Variants in KCNQ3 observed in about 807,000 individuals in gnomAD.
KCNQ3 encodes potassium voltage-gated channel subfamily KQT member 3.
A neutral mutation model predicts 92.5 loss-of-function variants in KCNQ3; 30 were observed. The ratio of observed to expected loss-of-function variants is 0.32; its 90% confidence interval spans 0.24 to 0.44. The LOEUF (loss-of-function observed/expected upper bound fraction) is 0.44. KCNQ3 is among the 20% of genes least tolerant of loss of function. The probability of loss-of-function intolerance (pLI) is 1.00; values close to 1 mark genes in which losing one functional copy is unlikely to be tolerated. For synonymous variants in KCNQ3, 450 were observed against 468.8 expected, an observed-to-expected ratio of 0.96 and a Z score of 0.52; for missense variants, 913 against 1,140.3, an observed-to-expected ratio of 0.80 and a Z score of 2.87.
At chr8:132,283,092 C>CGTGTGTGTGTGTGTGT (rs1195934839) in intron 1 of KCNQ3, among the ~76,000 whole-genome samples, 64 of 130,700 alleles carry the variant, frequency 4.9e-4, no homozygotes, top group African/African-American at 1.6e-3. Flanking sequence ...CTCTCTCTCT[C>CGTGTGTGTGTGTGTGT]GTGTGTGTGT....
At chr8:132,278,902 C>A (rs1816423397) in intron 1 of KCNQ3, among the ~76,000 whole-genome samples, 1 of 152,120 alleles carries the variant, frequency 6.6e-6, no homozygotes, top group Non-Finnish European at 1.5e-5. Flanking sequence ...ACATTAGTAT[C>A]AGTAGAGGGG....
intron 1 of KCNQ3, among the ~76,000 whole-genome samples, chr8:132,453,780 G>A (rs556258674): frequency 3.9e-5 from 6 of 152,166 alleles, no homozygotes; most frequent in Non-Finnish European, 7.3e-5. Context: ...GGCAAGGATG[G>A]TTGTGGGGGA....
At chr8:132,135,990 A>G (rs1032099500) in intron 12 of KCNQ3, among the ~76,000 whole-genome samples, 4 of 151,802 alleles carry the variant, frequency 2.6e-5, no homozygotes, top group African/African-American at 9.7e-5. Flanking sequence ...ATGGTGGCAC[A>G]CGCCTCTAGT....
At chr8:132,186,968 G>C (rs967283704) in intron 1 of KCNQ3, among the ~76,000 whole-genome samples, 12 of 125,796 alleles carry the variant, frequency 9.5e-5, no homozygotes, top group East Asian at 4.3e-4. Context: ...GAGAGAGAGA[G>C]AGAGAGAGAG....
chr8:132,140,033 C>G (rs776245506), intron 11 of KCNQ3, 43 bp downstream of exon 11: 5 of 1,318,846 alleles, frequency 3.8e-6, no homozygotes, highest in African/African-American at 1.5e-5. Context: ...TGAGCTGGAG[C>G]GGGGGAGGCA....
intron 9 of KCNQ3, among the ~76,000 whole-genome samples, chr8:132,154,193 G>GTTTTTTTTTTTTTTTTTTTTTTTTTT (rs869112851): frequency 1.5e-4 from 4 of 27,454 alleles, no homozygotes; most frequent in Non-Finnish European, 2.0e-4. Context: ...AAGGGTAAAA[G>GTTTTTTTTTTTTTTTTTTTTTTTTTT]TTTTTTTTTT....
At chr8:132,223,229 A>T (rs931613478) in intron 1 of KCNQ3, among the ~76,000 whole-genome samples, 3 of 152,154 alleles carry the variant, frequency 2.0e-5, no homozygotes, top group African/African-American at 4.8e-5. Flanking sequence ...GGTGAGAGGG[A>T]GGATTTTTAA....
chr8:132,292,013 C>T (rs1164707281), intron 1 of KCNQ3, among the ~76,000 whole-genome samples: 1 of 152,220 alleles, frequency 6.6e-6, no homozygotes, highest in Non-Finnish European at 1.5e-5. Context: ...TTTATCCTAT[C>T]TGAATGCCAG....
chr8:132,334,053 C>T (rs898486832), intron 1 of KCNQ3, among the ~76,000 whole-genome samples: 1 of 152,096 alleles, frequency 6.6e-6, no homozygotes, highest in Non-Finnish European at 1.5e-5. Flanking sequence ...ACATAATATT[C>T]CATCCAGGAC....
intron 1 of KCNQ3, among the ~76,000 whole-genome samples, chr8:132,354,277 G>A (rs1355908569): frequency 6.6e-6 from 1 of 152,150 alleles, no homozygotes; most frequent in African/African-American, 2.4e-5. Flanking sequence ...CACCCCCATA[G>A]GTAGACTCAC....
At chr8:132,434,025 G>A (rs890169850) in intron 1 of KCNQ3, among the ~76,000 whole-genome samples, 2 of 151,906 alleles carry the variant, frequency 1.3e-5, no homozygotes, top group South Asian at 2.1e-4. Flanking sequence ...CGGCTAAAAC[G>A]GTGAAACCCC....
chr8:132,372,251 C>T (rs1041449036), intron 1 of KCNQ3, among the ~76,000 whole-genome samples: 1 of 152,290 alleles, frequency 6.6e-6, no homozygotes, highest in Admixed American at 6.5e-5. Flanking sequence ...CACTGGTCAG[C>T]TCCATAGGGC....
rs1220429228 is a variant in KCNQ3 at position 132,129,422 on chromosome 8, G to A, written c.2459C>T (p.Pro820Leu). The A allele has an allele frequency of 6.2e-7, 1 of 1,614,160 alleles. No individual in the cohort carries two copies. Among genetic ancestry groups the A allele is most frequent in the Admixed American group, 1.7e-5 (1 of 60,030 alleles). The change falls in exon 15 of 15, where the codon CCC (proline) becomes CTC (leucine). Residue 820 changes from proline to leucine, a missense_variant. Pro to Leu is a moderately conservative substitution (Grantham distance 98, BLOSUM62 -3). Coordinates refer to ENST00000388996, the MANE Select transcript of KCNQ3 (RefSeq NM_004519.4). This position sits in a 1 kb window ranked among gnomAD's most constrained non-coding sequence, Gnocchi z 5.9. ...SQDRDDYVFG[P>L]NGGSSWMREK... ...CCTCATCCAGCTCGACCCCCCATTG[G>A]GGCCGAACACATAATCATCTCTGTC...
chr8:132,268,133 AGT>A (rs2130490473), intron 1 of KCNQ3, among the ~76,000 whole-genome samples: 1 of 152,220 alleles, frequency 6.6e-6, no homozygotes, highest in Non-Finnish European at 1.5e-5. Context: ...TGCTCTTTTT[AGT>A]GTCTCCATGT....
rs1045147493 is a variant in KCNQ3, at chr8:132,189,727, G to C, written c.387-3546C>G. Among the ~76,000 whole-genome samples the C allele has an allele frequency of 5.9e-5, 9 of 151,992 alleles. No homozygotes were observed. In the South Asian group the frequency reaches 1.7e-3, roughly 28 times the overall value. On this transcript the variant is annotated intron_variant, in intron 1 of 14. Transcript: ENST00000388996. ...TGTAATCCCAGCTACTCGAGAGGCT[G>C]AGGCAGGAGAATCACTTGAACCCGG...
At chr8:132,441,353 A>T (rs980326125) in intron 1 of KCNQ3, among the ~76,000 whole-genome samples, 2 of 152,192 alleles carry the variant, frequency 1.3e-5, no homozygotes, top group Admixed American at 1.3e-4. Context: ...GATCAAGACC[A>T]TCCTGGCTAA....
At chr8:132,463,009 C>T (rs931054474) in intron 1 of KCNQ3, among the ~76,000 whole-genome samples, 3 of 152,120 alleles carry the variant, frequency 2.0e-5, no homozygotes, top group Non-Finnish European at 4.4e-5. Context: ...ACAATGTTAG[C>T]ATTCCGGGAA....
chr8:132,396,978 GAGAA>G (rs982343461), intron 1 of KCNQ3, among the ~76,000 whole-genome samples: 1 of 151,688 alleles, frequency 6.6e-6, no homozygotes, highest in African/African-American at 2.4e-5. Context: ...GTGTGTGTGG[GAGAA>G]AGAGAGAGAG....
chr8:132,383,211 AG>A (rs1442706461), intron 1 of KCNQ3, among the ~76,000 whole-genome samples: 1 of 152,218 alleles, frequency 6.6e-6, no homozygotes, highest in Non-Finnish European at 1.5e-5. Flanking sequence ...ATCCAAGATA[AG>A]GGGAACAGAA....
Sources: gnomAD v4.1 joint callset for allele counts (sites outside exome capture counted in the v4.1 genomes callset) on GRCh38, gnomAD v4.1.1 for gene constraint, Gnocchi (gnomAD v3.1) non-coding constraint, MANE v1.5 for transcripts, NCBI Gene and HGNC (gene_info 2026-07-23, HGNC 2026-07-21) for gene names.